SPON1: variants seen among roughly 807,000 people sequenced by gnomAD.
SPON1 encodes spondin-1.
Under a neutral mutation model 111.7 loss-of-function variants are expected in SPON1, and 52 were observed. The ratio of observed to expected loss-of-function variants is 0.47; its 90% CI spans 0.37 to 0.59. The LOEUF is 0.59. Among genes scored for constraint, SPON1 ranks in the 20% least tolerant of loss-of-function variants. SPON1 has a pLI of 0.00. For missense variants in SPON1, 957 were observed against 1,068.5 expected, an observed-to-expected ratio of 0.90 and a Z score of 1.46; for synonymous variants, 410 against 395.8, an observed-to-expected ratio of 1.04 and a Z score of -0.43.
chr11:14,039,543 T>C (rs1405049328), intron 2 of SPON1, among the ~76,000 whole-genome samples: 1 of 152,084 alleles, frequency 6.6e-6, no homozygotes, highest in Non-Finnish European at 1.5e-5. Context: ...TTAATGTTTT[T>C]TTAAAAAATG....
At chr11:14,236,339 C>G (rs782293162) in intron 6 of SPON1, among the ~76,000 whole-genome samples, 30 of 151,954 alleles carry the variant, frequency 2.0e-4, no homozygotes, top group Non-Finnish European at 4.0e-4. Flanking sequence ...AAAGAGGCAT[C>G]CAGGGTGGAT....
At chr11:14,194,356 G>A (rs150195827) in intron 6 of SPON1, among the ~76,000 whole-genome samples, 1 of 152,262 alleles carries the variant, frequency 6.6e-6, no homozygotes, top group African/African-American at 2.4e-5. Context: ...TCCCTAAACA[G>A]CAAATACAAA....
intron 5 of SPON1, among the ~76,000 whole-genome samples, chr11:14,112,831 T>C (rs1554925579): frequency 6.6e-6 from 1 of 152,180 alleles, no homozygotes; most frequent in African/African-American, 2.4e-5. Flanking sequence ...CCTTGCTCCT[T>C]CTAATTCTTC....
chr11:14,091,517 G>T (rs1011348523), intron 5 of SPON1, among the ~76,000 whole-genome samples: 1 of 152,158 alleles, frequency 6.6e-6, no homozygotes, highest in South Asian at 2.1e-4. Context: ...GCGCAGCACC[G>T]GTGGGCCGGC....
At position 14,217,712 on chromosome 11, in the gene SPON1, G is replaced by A. The variant is rs546368461; in HGVS notation, c.826-25620G>A. On this transcript the variant is annotated intron_variant, in intron 6 of 15. Coordinates refer to ENST00000576479, the MANE Select transcript of SPON1 (RefSeq NM_006108.4). Reference sequence around the variant, plus strand: ...GCCACTTATTAGCTCTGTGATCTTAGGCAAAATATTGAGATCTCTGAGTCT... The same window carrying A: ...GCCACTTATTAGCTCTGTGATCTTAAGCAAAATATTGAGATCTCTGAGTCT... Among the ~76,000 whole-genome samples, 290 of 151,702 alleles carry A rather than the reference G, an allele frequency of 1.9e-3. 1 individual carries two copies. Among genetic ancestry groups the A allele is most frequent in the Non-Finnish European group, 3.5e-3 (238 of 67,918 alleles).
rs1318502491 is a variant in SPON1 at position 14,156,491 on chromosome 11, G to T, written c.825+20923G>T. Among the ~76,000 whole-genome samples the T allele has an allele frequency of 4.2e-4, 63 of 149,734 alleles. 1 individual carries two copies. The highest frequency in any genetic ancestry group is 1.3e-3 in the African/African-American group (53 of 40,850). On this transcript the variant is annotated intron_variant, in intron 6 of 15. Transcript: ENST00000576479. ...TTTCTTTTGCTCTGCAGAAGCTCTTGAGTTTAATTAGATCCCATTTGTCAA... is the reference window on the plus strand; with the variant it reads ...TTTCTTTTGCTCTGCAGAAGCTCTTTAGTTTAATTAGATCCCATTTGTCAA...
chr11:14,209,500 G>C (rs1564931615), intron 6 of SPON1, among the ~76,000 whole-genome samples: 1 of 152,106 alleles, frequency 6.6e-6, no homozygotes, highest in Non-Finnish European at 1.5e-5. Flanking sequence ...TTATGAATGA[G>C]AACATACGGT....
intron 6 of SPON1, among the ~76,000 whole-genome samples, chr11:14,237,131 T>G (rs1427276520): frequency 6.6e-6 from 1 of 152,218 alleles, no homozygotes; most frequent in Admixed American, 6.5e-5. Context: ...CCTCATAAAA[T>G]GGCTCATTTC....
At chr11:14,160,235 G>A (rs1015233367) in intron 6 of SPON1, among the ~76,000 whole-genome samples, 9 of 147,572 alleles carry the variant, frequency 6.1e-5, no homozygotes, top group African/African-American at 2.0e-4. Context: ...CTTACAGTGA[G>A]GTTACATCCT....
At chr11:14,231,212 C>A (rs560855351) in intron 6 of SPON1, among the ~76,000 whole-genome samples, 31 of 151,700 alleles carry the variant, frequency 2.0e-4, no homozygotes, top group Non-Finnish European at 4.1e-4. Flanking sequence ...CAGCTCACTG[C>A]AACCTTCACC....
chr11:14,255,788 G>A lies in SPON1; in HGVS notation c.1233+1G>A. ...TGTCATCGAGAGAATCGCACGGAAG[G>A]TACTGGGTTAGAACCCACTCTGGCA... On this transcript the variant is annotated splice_donor_variant, in intron 9 of 15. Coordinates refer to ENST00000576479, the MANE Select transcript of SPON1 (RefSeq NM_006108.4). LOFTEE classifies it high-confidence loss of function. 2 of 1,613,736 alleles carry A rather than the reference G, an allele frequency of 1.2e-6. No individual in the cohort carries two copies. The highest frequency in any genetic ancestry group is 1.7e-6 in the Non-Finnish European group (2 of 1,179,808).
chr11:14,067,701 G>A (rs1050410912), intron 3 of SPON1, among the ~76,000 whole-genome samples: 1 of 152,156 alleles, frequency 6.6e-6, no homozygotes, highest in Non-Finnish European at 1.5e-5. Flanking sequence ...ATGTTACTGA[G>A]GCCACATGTG....
intron 6 of SPON1, among the ~76,000 whole-genome samples, chr11:14,205,241 A>G (rs1352224554): frequency 6.6e-6 from 1 of 152,188 alleles, no homozygotes; most frequent in Non-Finnish European, 1.5e-5. Context: ...GCATTTGTGC[A>G]TGTGTTGACG....
chr11:14,075,256 A>C, intron 3 of SPON1, 89 bp from the exon 4 acceptor site: 1 of 1,004,742 alleles, frequency 1.0e-6, no homozygotes, highest in South Asian at 1.4e-5. Flanking sequence ...TCAAAGCCAC[A>C]AAGCCAAGCA....
At chr11:14,223,889 C>T (rs1848708840) in intron 6 of SPON1, among the ~76,000 whole-genome samples, 1 of 152,222 alleles carries the variant, frequency 6.6e-6, no homozygotes, top group South Asian at 2.1e-4. Flanking sequence ...CCTTCTGCAC[C>T]ACTGAGGACC....
At chr11:14,161,140 CTATA>C (rs1472689357) in intron 6 of SPON1, among the ~76,000 whole-genome samples, 1 of 34,444 alleles carries the variant, frequency 2.9e-5, no homozygotes, top group East Asian at 7.7e-4. Context: ...TTATATATAT[CTATA>C]TATCTATATA....
At chr11:14,168,627 A>G (rs1351886792) in intron 6 of SPON1, among the ~76,000 whole-genome samples, 1 of 151,776 alleles carries the variant, frequency 6.6e-6, no homozygotes, top group Non-Finnish European at 1.5e-5. Flanking sequence ...AGCATTAGGT[A>G]TATCTCCTAA....
intron 6 of SPON1, among the ~76,000 whole-genome samples, chr11:14,150,347 C>T (rs781979997): frequency 9.9e-5 from 15 of 151,606 alleles, no homozygotes; most frequent in Non-Finnish European, 8.8e-5. Context: ...GGTTAGTTAA[C>T]GGATGCAAGA....
intron 2 of SPON1, among the ~76,000 whole-genome samples, chr11:13,992,926 GT>G (rs1359369464): frequency 6.6e-6 from 1 of 152,116 alleles, no homozygotes; most frequent in African/African-American, 2.4e-5. Context: ...AGGTACCTCA[GT>G]TGGAAATGCA....
Sources: gnomAD v4.1 joint callset for allele counts (sites outside exome capture counted in the v4.1 genomes callset) on GRCh38, gnomAD v4.1.1 for gene constraint, MANE v1.5 for transcripts, NCBI Gene and HGNC (gene_info 2026-07-23, HGNC 2026-07-21) for gene names.